OCA2: variants seen among roughly 807,000 people sequenced by gnomAD.
OCA2 encodes the protein OCA2 melanosomal transmembrane protein.
OCA2 carries 77 observed loss-of-function variants against 100.2 expected under a neutral mutation model. The observed-to-expected ratio is 0.77, with a 90% confidence interval of 0.64 to 0.93. OCA2 has a LOEUF of 0.93. Among genes scored for constraint, OCA2 ranks in the 40% least tolerant of loss-of-function variants. The probability of loss-of-function intolerance (pLI) is 0.00; values close to 1 mark genes in which losing one functional copy is unlikely to be tolerated. For missense variants in OCA2, 1,062 were observed against 1,089.1 expected (o/e 0.98, Z 0.35); for synonymous variants, 432 against 439.2 (o/e 0.98, Z 0.21).
At chr15:27,754,813 C>T (rs1814387458), downstream of OCA2, 2 of 159,410 alleles carry the variant, frequency 1.3e-5, no homozygotes, top group South Asian at 3.5e-4. Context: ...AACTTTAAAA[C>T]TGCAGAGAAA....
chr15:27,750,821 G>A (rs1286740913), downstream of OCA2, among the ~76,000 whole-genome samples: 4 of 152,334 alleles, frequency 2.6e-5, no homozygotes, highest in East Asian at 5.8e-4. Context: ...GTGGATCACA[G>A]AGCTCAAAGC....
At chr15:27,808,601 C>T (rs914305577) in intron 23 of OCA2, among the ~76,000 whole-genome samples, 1 of 152,076 alleles carries the variant, frequency 6.6e-6, no homozygotes, top group African/African-American at 2.4e-5. Flanking sequence ...TTCTATGACT[C>T]GGAGGTTTCC....
chr15:27,732,604 C>T, the OCA2 span, among the ~76,000 whole-genome samples: 17 of 152,238 alleles, frequency 1.1e-4, no homozygotes, highest in East Asian at 2.7e-3. Context: ...TGTGCAAGCC[C>T]CTCAAGGTGT....
chr15:27,954,789 C>T (rs1447792328), intron 17 of OCA2, among the ~76,000 whole-genome samples: 1 of 152,216 alleles, frequency 6.6e-6, no homozygotes, highest in Non-Finnish European at 1.5e-5. Context: ...GCCCCTAAAG[C>T]TGCTCCACTT....
At chr15:27,896,845 C>T (rs1475056745) in intron 19 of OCA2, among the ~76,000 whole-genome samples, 1 of 152,028 alleles carries the variant, frequency 6.6e-6, no homozygotes, top group Admixed American at 6.6e-5. Flanking sequence ...AATGAGAAGC[C>T]GAATGTTAAT....
intron 19 of OCA2, among the ~76,000 whole-genome samples, chr15:27,901,554 T>G (rs1163304515): frequency 6.6e-6 from 1 of 152,160 alleles, no homozygotes; most frequent in African/African-American, 2.4e-5. Flanking sequence ...AAACCTGACC[T>G]TTGAGCACAT....
At chr15:28,062,084 A>C (rs1391769193) in intron 2 of OCA2, among the ~76,000 whole-genome samples, 1 of 152,250 alleles carries the variant, frequency 6.6e-6, no homozygotes, top group African/African-American at 2.4e-5. Context: ...GTACATACCT[A>C]GTAACAGAAA....
Position 27,783,762 on chromosome 15 carries a change from G to A in OCA2, c.2433-28290C>T, listed in dbSNP as rs376205693. 1.5e-3 allele frequency among the ~76,000 whole-genome samples: 233 copies of A among 152,338 alleles called. 1 individual carries two copies. Among genetic ancestry groups the A allele is most frequent in the African/African-American group, 5.3e-3 (221 of 41,572 alleles). Reference sequence around the variant, plus strand: ...ACCTCACTGAGTGCTCACTGAAGACGGGCAAGAGATTGCATTTCTGAGAAA... The same window carrying A: ...ACCTCACTGAGTGCTCACTGAAGACAGGCAAGAGATTGCATTTCTGAGAAA... On this transcript the variant is annotated intron_variant, in intron 23 of 23. Coordinates refer to ENST00000354638, the MANE Select transcript of OCA2 (RefSeq NM_000275.3).
chr15:27,871,786 T>A, intron 20 of OCA2, 77 bp downstream of exon 20: 2 of 1,047,168 alleles, frequency 1.9e-6, no homozygotes, highest in Admixed American at 1.8e-5. Flanking sequence ...CTTACCAGAG[T>A]GCTTTTTTTT....
intron 21 of OCA2, among the ~76,000 whole-genome samples, chr15:27,861,673 C>T (rs546652919): frequency 1.9e-4 from 29 of 152,172 alleles, no homozygotes; most frequent in African/African-American, 5.8e-4. Flanking sequence ...GGCACTAGTC[C>T]TTAGTGATCT....
chr15:27,951,436 G>A (rs559814014), intron 18 of OCA2, among the ~76,000 whole-genome samples: 1 of 152,324 alleles, frequency 6.6e-6, no homozygotes, highest in East Asian at 1.9e-4. Context: ...TGCCCATGTG[G>A]CTCCATCTCT....
In OCA2 at chr15:27,950,563, A is replaced by G. The variant is rs576211244; in HGVS notation, c.1951+1221T>C. On this transcript the variant is annotated intron_variant, in intron 18 of 23. Coordinates refer to ENST00000354638, the MANE Select transcript of OCA2 (RefSeq NM_000275.3). The stretch of plus-strand genomic sequence containing the variant: ...TGCCAGCTTGAACCAAGCCCAGGCC[A>G]CCTGGCAAGTTGGATTTGAGATTAT... 67 of 517,788 alleles carry G rather than the reference A, an allele frequency of 1.3e-4. 2 individuals are homozygous for G. Among genetic ancestry groups the G allele is most frequent in the Middle Eastern group, 9.5e-4 (3 of 3,144 alleles). 32.1% of individuals were successfully genotyped at this position (517,788 alleles called of 1,614,324 possible).
intron 18 of OCA2, among the ~76,000 whole-genome samples, chr15:27,937,038 C>G (rs976700383): frequency 2.6e-5 from 4 of 152,312 alleles, no homozygotes; most frequent in African/African-American, 7.2e-5. Flanking sequence ...ACCGTCCCCC[C>G]ACATTCTCTG....
At chr15:27,961,260 C>G (rs1175264471) in intron 15 of OCA2, among the ~76,000 whole-genome samples, 1 of 152,160 alleles carries the variant, frequency 6.6e-6, no homozygotes, top group East Asian at 1.9e-4. Flanking sequence ...TACCATCTCA[C>G]TCCAGTTAGA....
At chr15:28,048,926 C>T (rs575660427) in intron 2 of OCA2, among the ~76,000 whole-genome samples, 24 of 151,988 alleles carry the variant, frequency 1.6e-4, no homozygotes, top group Non-Finnish European at 2.4e-4. Flanking sequence ...GGCCTGAACC[C>T]GGGAGACAGA....
chr15:27,771,623 T>C (rs921714976), intron 23 of OCA2, among the ~76,000 whole-genome samples: 4 of 152,234 alleles, frequency 2.6e-5, no homozygotes, highest in African/African-American at 4.8e-5. Context: ...ACAGTATCCA[T>C]TGGTTCCACT....
intron 19 of OCA2, among the ~76,000 whole-genome samples, chr15:27,872,463 A>C (rs1300814385): frequency 1.3e-5 from 2 of 152,190 alleles, no homozygotes; most frequent in African/African-American, 4.8e-5. Context: ...AGAAGAGAGA[A>C]GATGAGACGC....
At chr15:28,060,926 C>T (rs1388248754) in intron 2 of OCA2, among the ~76,000 whole-genome samples, 1 of 152,214 alleles carries the variant, frequency 6.6e-6, no homozygotes, top group Non-Finnish European at 1.5e-5. Context: ...TTGGACCAGG[C>T]TCAGAGCTCC....
chr15:27,996,512 A>G (rs1464242663), intron 9 of OCA2, among the ~76,000 whole-genome samples: 2 of 152,094 alleles, frequency 1.3e-5, no homozygotes, highest in Non-Finnish European at 2.9e-5. Flanking sequence ...GAGACTAGAA[A>G]GACAATTGAA....
Sources: allele counts gnomAD v4.1 joint callset (sites outside exome capture counted in the v4.1 genomes callset), GRCh38; gene constraint gnomAD v4.1.1; transcripts MANE v1.5; gene names NCBI Gene and HGNC (gene_info 2026-07-23, HGNC 2026-07-21).